MPHOSPH9: variants seen among roughly 807,000 people sequenced by gnomAD.
MPHOSPH9 encodes M-phase phosphoprotein 9.
A neutral mutation model predicts 145.5 loss-of-function variants in MPHOSPH9; 88 were observed. The observed-to-expected ratio is 0.60, with a 90% CI of 0.51 to 0.72. MPHOSPH9 has a LOEUF of 0.72. MPHOSPH9 is among the 30% of genes least tolerant of loss of function. MPHOSPH9 has a pLI of 0.00. For missense variants in MPHOSPH9, 1,238 were observed against 1,386.6 expected (o/e 0.89, Z 1.70); for synonymous variants, 435 against 486.2 (o/e 0.89, Z 1.39).
Position 123,154,758 on chromosome 12 carries a change from C to G in MPHOSPH9, c.*2049G>C, listed in dbSNP as rs2043828526. ...CAGGAACACATTAAAGGTGGTCTTACTAGGTCTTGACACAAGCTGTACTGG... is the reference window on the plus strand; with the variant it reads ...CAGGAACACATTAAAGGTGGTCTTAGTAGGTCTTGACACAAGCTGTACTGG... On this transcript the variant is annotated 3_prime_UTR_variant, in exon 24 of 24. Transcript: ENST00000606320. 1 of 152,124 alleles carries G rather than the reference C, an allele frequency of 6.6e-6. No homozygotes were observed. The highest frequency in any genetic ancestry group is 2.4e-5 in the African/African-American group (1 of 41,410). 9.4% of individuals were successfully genotyped at this position (152,124 alleles called of 1,614,324 possible).
At chr12:123,240,630 CAG>C (rs1239626450) in intron 1 of MPHOSPH9, 2 of 149,272 alleles carry the variant, frequency 1.3e-5, no homozygotes, top group Admixed American at 6.7e-5. Context: ...AAAAAACAAA[CAG>C]TGAATTTTAG....
At chr12:123,170,351 G>T (rs2044525073) in intron 16 of MPHOSPH9, among the ~76,000 whole-genome samples, 1 of 152,040 alleles carries the variant, frequency 6.6e-6, no homozygotes, top group Non-Finnish European at 1.5e-5. Context: ...CACCATGTTG[G>T]TAAGGCTGGT....
rs775277319 is a variant in MPHOSPH9 at position 123,203,082 on chromosome 12, G to T, written c.1323C>A (p.Val441=). The T allele has an allele frequency of 2.5e-6, 4 of 1,609,586 alleles. No individual in the cohort carries two copies. Among genetic ancestry groups the T allele is most frequent in the Non-Finnish European group, 3.4e-6 (4 of 1,178,342 alleles). ...SASNPNHPPE[V]LTLDPTLHMK... is the part of the protein sequence containing the mutation. Reference sequence around the variant, plus strand: ...TGTGTAACGTAGGATCTAGAGTCAGGACCTGGAAACCAGACAACAACGAAG... The same window carrying T: ...TGTGTAACGTAGGATCTAGAGTCAGTACCTGGAAACCAGACAACAACGAAG... The change falls in exon 10 of 24, where the codon GTC becomes GTA. Residue 441 remains valine, a splice_region_variant and synonymous_variant. Transcript: ENST00000606320.
chr12:123,203,536 A>AT (rs1163041851), intron 8 of MPHOSPH9, among the ~76,000 whole-genome samples, 161 bp from the exon 9 acceptor site: 1 of 152,220 alleles, frequency 6.6e-6, no homozygotes, highest in African/African-American at 2.4e-5. Context: ...ACCTAGTATG[A>AT]TGAGTCTACC....
intron 1 of MPHOSPH9, chr12:123,240,727 C>CTTT (rs62837760): frequency 2.4e-4 from 25 of 102,070 alleles, no homozygotes; most frequent in African/African-American, 8.4e-4. Flanking sequence ...TTTTATTGAC[C>CTTT]TTTTTTTTTT....
intron 8 of MPHOSPH9, among the ~76,000 whole-genome samples, chr12:123,206,496 AGAGAG>A (rs144778055): frequency 0.16 from 21,139 of 128,668 alleles, 4,461 homozygotes; most frequent in African/African-American, 0.47. Context: ...GGAGAAGAGA[AGAGAG>A]GAGAGGAGAG....
intron 1 of MPHOSPH9, among the ~76,000 whole-genome samples, chr12:123,232,155 A>C (rs567807031): frequency 6.6e-6 from 1 of 151,838 alleles, no homozygotes; most frequent in Admixed American, 6.6e-5. Context: ...CCTGGATTCC[A>C]ATCACCATGC....
In MPHOSPH9 at chr12:123,227,514, T is replaced by C. The variant is rs1268832418; in HGVS notation, c.207A>G (p.Gln69=). 21 of 1,530,376 alleles carry C rather than the reference T, an allele frequency of 1.4e-5. No homozygotes were observed. The highest frequency in any genetic ancestry group is 1.7e-5 in the Non-Finnish European group (20 of 1,143,388). 94.8% of individuals were successfully genotyped at this position (1,530,376 alleles called of 1,614,324 possible). ...GTVEVLTSLM[Q]ELQNSGKTDS... ...CAGTCTTTCCACTGTTTTGTAGCTC[T>C]TGCATTAAAGAAGTTAGGACTTCAA... The change falls in exon 3 of 24, where the codon CAA becomes CAG. Residue 69 remains glutamine (Q), a synonymous_variant. Transcript: ENST00000606320.
intron 1 of MPHOSPH9, among the ~76,000 whole-genome samples, chr12:123,239,549 C>T (rs1471768592): frequency 2.6e-5 from 4 of 152,178 alleles, no homozygotes; most frequent in African/African-American, 7.2e-5. Flanking sequence ...ACTACAGCTA[C>T]GTGCAACCAT....
chr12:123,181,216 AGG>A lies in MPHOSPH9; in HGVS notation c.2242-8_2242-7del. On this transcript the variant is annotated splice_polypyrimidine_tract_variant and splice_region_variant and intron_variant, in intron 13 of 23. Transcript: ENST00000606320. Reference sequence around the variant, plus strand: ...GACTCATACTCTCCTAAAAGCTACAAGGAAAAACAAAAAAAAATTATACCACA... The same window carrying A: ...GACTCATACTCTCCTAAAAGCTACAAAAAAACAAAAAAAAATTATACCACA... The A allele has an allele frequency of 6.2e-7, 1 of 1,610,434 alleles. No individual in the cohort carries two copies. Among genetic ancestry groups the A allele is most frequent in the Non-Finnish European group, 8.5e-7 (1 of 1,177,686 alleles).
In MPHOSPH9 at chr12:123,193,094, A is replaced by ATAT. The variant is rs1437201269; in HGVS notation, c.2241+1291_2241+1292insATA. Among the ~76,000 whole-genome samples the ATAT allele has an allele frequency of 4.1e-4, 35 of 85,726 alleles. 3 individuals are homozygous for ATAT. The highest frequency in any genetic ancestry group is 1.3e-3 in the African/African-American group (27 of 21,072). The allele number at this position is 85,726 out of a possible 152,430, so 56.2% of individuals were successfully genotyped here. ...TTCAAAAAAAAAAAAAAAAAAAAAA[A>ATAT]AAATATATATATATACACACACACA... On this transcript the variant is annotated intron_variant, in intron 13 of 23. Coordinates refer to ENST00000606320, the MANE Select transcript of MPHOSPH9 (RefSeq NM_022782.4).
At chr12:123,186,245 A>AAAAAAAAC (rs1565924007) in intron 13 of MPHOSPH9, among the ~76,000 whole-genome samples, 1 of 144,106 alleles carries the variant, frequency 6.9e-6, no homozygotes. Context: ...AAAAAAAAAA[A>AAAAAAAAC]AAAAAAGAGA....
chr12:123,209,937 C>T (rs2046630764), intron 8 of MPHOSPH9, 119 bp downstream of exon 8: 7 of 533,500 alleles, frequency 1.3e-5, no homozygotes, highest in East Asian at 3.3e-5. Context: ...GGGGTTTCAC[C>T]GTGTTAGCCA....
intron 5 of MPHOSPH9, among the ~76,000 whole-genome samples, chr12:123,219,200 C>T (rs905088428): frequency 1.3e-5 from 2 of 152,014 alleles, no homozygotes; most frequent in Non-Finnish European, 2.9e-5. Flanking sequence ...CCACTGCGCC[C>T]AGCCAGTTGT....
chr12:123,197,918 C>T lies in MPHOSPH9; in HGVS notation c.2025+329G>A, dbSNP rs1470716118. ...CTAACACGGTGAAACCCCGTCTCTA[C>T]TAAAAAATACAAAAAATTAGCTGGG... On this transcript the variant is annotated intron_variant, in intron 12 of 23. Coordinates refer to ENST00000606320, the MANE Select transcript of MPHOSPH9 (RefSeq NM_022782.4). Among the ~76,000 whole-genome samples the T allele has an allele frequency of 4.0e-5, 6 of 148,806 alleles. No individual in the cohort carries two copies. The East Asian group carries it at 1.2e-3, about 30-fold the overall frequency.
At chr12:123,209,349 T>A (rs912736578) in intron 8 of MPHOSPH9, among the ~76,000 whole-genome samples, 1 of 152,200 alleles carries the variant, frequency 6.6e-6, no homozygotes, top group African/African-American at 2.4e-5. Context: ...ATTTTAGAAG[T>A]TGAAAAATAA....
At position 123,202,991 on chromosome 12, in the gene MPHOSPH9, T is replaced by G. The variant is rs370237080; in HGVS notation, c.1414A>C (p.Ile472Leu). Residue 472 changes from isoleucine (I) to leucine (L), a missense_variant, in exon 10 of 24, where the codon ATA becomes CTA. Ile to Leu is a conservative substitution (Grantham distance 5). This residue lies in a region of MPHOSPH9 where 837 missense variants were observed against 897.5 expected (regional missense o/e 0.93). Coordinates refer to ENST00000606320, the MANE Select transcript of MPHOSPH9 (RefSeq NM_022782.4). ...HGLPNALDDRISFSPDSVLEP... is the reference protein window; with the variant it reads ...HGLPNALDDRLSFSPDSVLEP... The stretch of plus-strand genomic sequence containing the variant: ...AGAACAGAGTCCGGGGAAAAGGATA[T>G]TCTGTCATCAAGGGCATTCGGAAGG... 142 of 1,614,014 alleles carry G rather than the reference T, an allele frequency of 8.8e-5. No individual in the cohort carries two copies. The highest frequency in any genetic ancestry group is 1.1e-4 in the Non-Finnish European group (135 of 1,180,032).
At position 123,156,544 on chromosome 12, in the gene MPHOSPH9, ATTC is replaced by A. The variant is rs2043872177; in HGVS notation, c.*260_*262del. 3 of 265,440 alleles carry A rather than the reference ATTC, an allele frequency of 1.1e-5. No individual in the cohort carries two copies. Among genetic ancestry groups the A allele is most frequent in the Non-Finnish European group, 2.1e-5 (3 of 141,078 alleles). 16.4% of individuals were successfully genotyped at this position (265,440 alleles called of 1,614,324 possible). On this transcript the variant is annotated 3_prime_UTR_variant, in exon 24 of 24. Coordinates refer to ENST00000606320, the MANE Select transcript of MPHOSPH9 (RefSeq NM_022782.4). ...CTGCTTCCTCTGTTTATATTTCCTT[ATTC>A]TTGATATAAATTGGAGACAGATACT...
At chr12:123,169,309 C>T (rs2044471443) in intron 16 of MPHOSPH9, among the ~76,000 whole-genome samples, 1 of 151,368 alleles carries the variant, frequency 6.6e-6, no homozygotes, top group East Asian at 2.1e-4. Context: ...CCCTGGCTAA[C>T]ATGGTGAAAC....
Sources: allele counts gnomAD v4.1 joint callset (sites outside exome capture counted in the v4.1 genomes callset), GRCh38; gene constraint gnomAD v4.1.1; regional missense constraint gnomAD v4.1.1; transcripts MANE v1.5; gene names NCBI Gene and HGNC (gene_info 2026-07-23, HGNC 2026-07-21).